TBC1D12: variants seen among roughly 807,000 people sequenced by gnomAD.
TBC1D12 encodes the protein TBC1 domain family member 12.
In TBC1D12, 56 loss-of-function variants were observed where a neutral mutation model predicts 86.7. The observed-to-expected ratio is 0.65, with a 90% confidence interval of 0.52 to 0.81. TBC1D12 has a LOEUF of 0.81. TBC1D12 is among the 30% of genes least tolerant of loss of function. The pLI, the probability that TBC1D12 is intolerant of heterozygous loss-of-function variation, is 0.00. For synonymous variants in TBC1D12, 421 were observed against 411.7 expected, an observed-to-expected ratio of 1.02 and a Z score of -0.27; for missense variants, 1,023 against 1,038.8, an observed-to-expected ratio of 0.98 and a Z score of 0.21.
intron 9 of TBC1D12, among the ~76,000 whole-genome samples, chr10:94,519,141 A>G (rs866731747): frequency 6.6e-6 from 1 of 152,230 alleles, no homozygotes; most frequent in African/African-American, 2.4e-5. Context: ...CTTAATTGGC[A>G]GCATTTTTTC....
Position 94,402,933 on chromosome 10 carries a change from A to C in TBC1D12, c.320A>C (p.Asp107Ala), listed in dbSNP as rs2134037155. The change falls in exon 1 of 13, where the codon GAC becomes GCC. Residue 107 changes from aspartate to alanine, a missense_variant. Physicochemically the swap from Asp to Ala is moderately radical, Grantham distance 126. Around this residue, in one of 2 missense-constraint regions of TBC1D12, gnomAD observed 628 missense variants for 531.1 expected, o/e 1.18. Coordinates refer to ENST00000225235, the MANE Select transcript of TBC1D12 (RefSeq NM_015188.2). ...APPPSAAPRSDACLLGSGSKH... is the reference protein window; with the variant it reads ...APPPSAAPRSAACLLGSGSKH... The stretch of plus-strand genomic sequence containing the variant: ...CCGCCCTCGGCAGCCCCACGATCGG[A>C]CGCCTGCCTGCTGGGCTCGGGCTCC... 6.5e-7 allele frequency: 1 copy of C among 1,542,418 alleles called. No individual in the cohort carries two copies. The highest frequency in any genetic ancestry group is 8.7e-7 in the Non-Finnish European group (1 of 1,149,462).
chr10:94,487,425 A>ATT (rs372982329), intron 3 of TBC1D12, among the ~76,000 whole-genome samples: 66 of 142,416 alleles, frequency 4.6e-4, no homozygotes, highest in African/African-American at 1.7e-3. Flanking sequence ...AGTGAAAGTG[A>ATT]TTTTTTTTTT....
chr10:94,463,991 TG>T (rs1769937142), intron 2 of TBC1D12, among the ~76,000 whole-genome samples: 1 of 152,206 alleles, frequency 6.6e-6, no homozygotes, highest in African/African-American at 2.4e-5. Context: ...AATTGGTCCC[TG>T]TGTCATCAAT....
intron 3 of TBC1D12, among the ~76,000 whole-genome samples, chr10:94,492,282 A>T (rs2056256126): frequency 6.6e-6 from 1 of 152,182 alleles, no homozygotes; most frequent in African/African-American, 2.4e-5. Context: ...ACTCCTAAGG[A>T]TAAGGGGGGA....
intron 1 of TBC1D12, among the ~76,000 whole-genome samples, chr10:94,418,848 G>A (rs1178249954): frequency 2.0e-5 from 3 of 151,142 alleles, no homozygotes; most frequent in Non-Finnish European, 4.4e-5. Context: ...GCTGGGATTA[G>A]AGGCTGAGCC....
At chr10:94,462,191 A>G (rs1173785642) in intron 2 of TBC1D12, among the ~76,000 whole-genome samples, 1 of 152,216 alleles carries the variant, frequency 6.6e-6, no homozygotes, top group Non-Finnish European at 1.5e-5. Flanking sequence ...ATTTTCTGAA[A>G]TTATTTGTGT....
chr10:94,476,358 C>T (rs780291442), intron 3 of TBC1D12, among the ~76,000 whole-genome samples: 1 of 152,124 alleles, frequency 6.6e-6, no homozygotes. Context: ...CAATGCTCCT[C>T]TTTTAGGATT....
At chr10:94,465,668 ATATGTG>A (rs747047713) in intron 2 of TBC1D12, among the ~76,000 whole-genome samples, 17 of 83,552 alleles carry the variant, frequency 2.0e-4, no homozygotes, top group Admixed American at 3.4e-4. Context: ...ATATATATAT[ATATGTG>A]TGTGTGTGTG....
chr10:94,426,783 G>A (rs970782432), intron 1 of TBC1D12, among the ~76,000 whole-genome samples: 10 of 152,018 alleles, frequency 6.6e-5, no homozygotes, highest in African/African-American at 2.2e-4. Flanking sequence ...TCACCATCTT[G>A]GCCAGGCTGA....
chr10:94,468,097 T>C (rs2055851173), intron 2 of TBC1D12, among the ~76,000 whole-genome samples: 1 of 152,198 alleles, frequency 6.6e-6, no homozygotes, highest in Non-Finnish European at 1.5e-5. Context: ...AATAACTTTA[T>C]AGCACTTGAG....
chr10:94,418,593 A>G (rs2055031454), intron 1 of TBC1D12, among the ~76,000 whole-genome samples: 1 of 150,316 alleles, frequency 6.7e-6, no homozygotes, highest in African/African-American at 2.5e-5. Context: ...ATTATTTTTG[A>G]GACAGTCTCA....
intron 7 of TBC1D12, among the ~76,000 whole-genome samples, chr10:94,507,875 A>G (rs1255421543): frequency 6.6e-6 from 1 of 152,134 alleles, no homozygotes; most frequent in Non-Finnish European, 1.5e-5. Flanking sequence ...AATCCCAGCT[A>G]CTTGGGAGGC....
At chr10:94,473,884 C>T (rs979623915) in intron 2 of TBC1D12, among the ~76,000 whole-genome samples, 2 of 152,074 alleles carry the variant, frequency 1.3e-5, no homozygotes, top group Non-Finnish European at 2.9e-5. Flanking sequence ...TTAGAATTAT[C>T]AGGTTGGATG....
At position 94,500,260 on chromosome 10, in the gene TBC1D12, A is replaced by G. The variant is rs1233176267; in HGVS notation, c.1452A>G (p.Gly484=). 1 of 1,613,990 alleles carries G rather than the reference A, an allele frequency of 6.2e-7. No homozygotes were observed. The highest frequency in any genetic ancestry group is 1.1e-5 in the South Asian group (1 of 91,060). Residue 484 remains glycine (G), a synonymous_variant, in exon 6 of 13, where the codon GGA becomes GGG. Coordinates refer to ENST00000225235, the MANE Select transcript of TBC1D12 (RefSeq NM_015188.2). ...TRRVRELWWQ[G]LPPSVRGKVW... ...GAGTTCGAGAATTGTGGTGGCAGGG[A>G]TTGCCCCCTAGTGTCCGTGGGAAAG...
chr10:94,499,456 A>G (rs1325324818), intron 5 of TBC1D12, among the ~76,000 whole-genome samples: 2 of 152,136 alleles, frequency 1.3e-5, no homozygotes, highest in African/African-American at 4.8e-5. Context: ...ACAATATCCT[A>G]CAGGTTCATC....
chr10:94,452,293 G>GTCACTC (rs2055562519), intron 2 of TBC1D12, among the ~76,000 whole-genome samples: 1 of 151,950 alleles, frequency 6.6e-6, no homozygotes, highest in African/African-American at 2.4e-5. Flanking sequence ...TTGACACACA[G>GTCACTC]TCACTCAAAG....
intron 1 of TBC1D12, among the ~76,000 whole-genome samples, chr10:94,410,372 A>G (rs2054913941): frequency 6.6e-6 from 1 of 152,164 alleles, no homozygotes; most frequent in Non-Finnish European, 1.5e-5. Flanking sequence ...ACATAATTTC[A>G]CAGTTTTCTA....
rs1161774184 is a variant in TBC1D12 at position 94,462,646 on chromosome 10, A to G, written c.1096-12022A>G. Among the ~76,000 whole-genome samples, 68 of 152,220 alleles carry G rather than the reference A, an allele frequency of 4.5e-4. 1 individual carries two copies. The highest frequency in any genetic ancestry group is 8.8e-5 in the Non-Finnish European group (6 of 68,016). ...GTCAGTTTTGGTAACATGTCTTTCA[A>G]CAGAGTTTTATATGTCATCTATATT... On this transcript the variant is annotated intron_variant, in intron 2 of 12. Coordinates refer to ENST00000225235, the MANE Select transcript of TBC1D12 (RefSeq NM_015188.2).
intron 1 of TBC1D12, among the ~76,000 whole-genome samples, chr10:94,404,373 C>T (rs1345459793): frequency 6.6e-6 from 1 of 152,046 alleles, no homozygotes; most frequent in African/African-American, 2.4e-5. Context: ...GGGCCGGGCG[C>T]GGTGGCTCAC....
Sources: gnomAD v4.1 joint callset for allele counts (sites outside exome capture counted in the v4.1 genomes callset) on GRCh38, gnomAD v4.1.1 for gene constraint, gnomAD v4.1.1 regional missense constraint, MANE v1.5 for transcripts, NCBI Gene and HGNC (gene_info 2026-07-23, HGNC 2026-07-21) for gene names.